IKBKB: variants seen among roughly 807,000 people sequenced by gnomAD.
IKBKB encodes the protein inhibitor of nuclear factor kappa B kinase subunit beta.
A neutral mutation model predicts 113.6 loss-of-function variants in IKBKB; 42 were observed. The ratio of observed to expected loss-of-function variants is 0.37; its 90% CI spans 0.29 to 0.48. The LOEUF (loss-of-function observed/expected upper bound fraction) is 0.48. Ranked by LOEUF, IKBKB falls within the 20% of genes least tolerant of loss-of-function variation. IKBKB has a pLI of 0.99. For missense variants in IKBKB, 673 were observed against 939.7 expected, an observed-to-expected ratio of 0.72 and a Z score of 3.71; for synonymous variants, 296 against 361.3, an observed-to-expected ratio of 0.82 and a Z score of 2.05.
intron 5 of IKBKB, chr8:42,298,099 T>TAAAA (rs980806238): frequency 1.7e-5 from 17 of 985,316 alleles, no homozygotes; most frequent in Non-Finnish European, 2.0e-5. Context: ...TGGACTCTAT[T>TAAAA]TAAACAGTCT....
intron 5 of IKBKB, among the ~76,000 whole-genome samples, chr8:42,300,403 C>T (rs558232670): frequency 1.3e-5 from 2 of 152,336 alleles, no homozygotes; most frequent in Admixed American, 1.3e-4. Context: ...TTTCTCTTTC[C>T]ACCTGTTCTC....
intron 2 of IKBKB, among the ~76,000 whole-genome samples, chr8:42,282,468 A>G (rs1482173014): frequency 6.6e-6 from 1 of 152,144 alleles, no homozygotes; most frequent in African/African-American, 2.4e-5. Context: ...TGGTCTCCCA[A>G]AGTGCTGGGA....
rs557298623 is a variant in IKBKB, at chr8:42,275,379, G to T, written c.105+3174G>T. On this transcript the variant is annotated intron_variant, in intron 2 of 21. Coordinates refer to ENST00000520810, the MANE Select transcript of IKBKB (RefSeq NM_001556.3). Reference sequence around the variant, plus strand: ...ATTTTTGATTTTTTGTAGATAGGAGGTCTGTCTGTTGCCCAGGCTGGTCTC... The same window carrying T: ...ATTTTTGATTTTTTGTAGATAGGAGTTCTGTCTGTTGCCCAGGCTGGTCTC... Among the ~76,000 whole-genome samples, 13 of 151,904 alleles carry T rather than the reference G, an allele frequency of 8.6e-5. No homozygotes were observed. The East Asian group carries it at 1.7e-3, about 20-fold the overall frequency.
At chr8:42,290,610 G>C (rs1812422094) in intron 4 of IKBKB, among the ~76,000 whole-genome samples, 1 of 152,242 alleles carries the variant, frequency 6.6e-6, no homozygotes, top group Non-Finnish European at 1.5e-5. Flanking sequence ...CCCTGGGCAT[G>C]TTAGGGCCAC....
intron 2 of IKBKB, among the ~76,000 whole-genome samples, chr8:42,283,514 A>T (rs1810766871): frequency 2.0e-5 from 3 of 152,218 alleles, no homozygotes; most frequent in Admixed American, 2.0e-4. Flanking sequence ...CAGCCGATGC[A>T]TGTGAGGAAG....
chr8:42,293,518 T>C lies in IKBKB; in HGVS notation c.388+6T>C, dbSNP rs1813082599. The C allele has an allele frequency of 6.2e-7, 1 of 1,613,980 alleles. No individual in the cohort carries two copies. The highest frequency in any genetic ancestry group is 1.7e-5 in the Admixed American group (1 of 60,000). ...CACCTTGCTGAGTGACATTGGTAAA[T>C]CCCAGTCCCGGAATTCAGGCCGTGT... On this transcript the variant is annotated splice_donor_region_variant and intron_variant, in intron 5 of 21. Coordinates refer to ENST00000520810, the MANE Select transcript of IKBKB (RefSeq NM_001556.3).
intron 13 of IKBKB, 111 bp downstream of exon 13, chr8:42,318,786 A>G (rs1819200906): frequency 1.9e-6 from 2 of 1,056,750 alleles, no homozygotes; most frequent in Non-Finnish European, 2.7e-6. Flanking sequence ...TATGAGCAAC[A>G]AAAGGAAGAC....
chr8:42,326,059 C>T lies in IKBKB; in HGVS notation c.2076C>T (p.Ser692=), dbSNP rs371698313. The change falls in exon 20 of 22, where the codon TCC becomes TCT. Residue 692 remains serine (S), a synonymous_variant. Coordinates refer to ENST00000520810, the MANE Select transcript of IKBKB (RefSeq NM_001556.3). ...SQPGQLMSQP[S]TASNSLPEPA... ...CTGGGCAGCTGATGTCTCAGCCCTC[C>T]ACGGCCTCCAACAGCTTACCTGAGC... The T allele has an allele frequency of 1.9e-6, 3 of 1,614,114 alleles. No individual in the cohort carries two copies. The highest frequency in any genetic ancestry group is 2.7e-5 in the African/African-American group (2 of 74,938).
intron 2 of IKBKB, among the ~76,000 whole-genome samples, chr8:42,277,528 C>T (rs902264757): frequency 6.6e-6 from 1 of 152,172 alleles, no homozygotes; most frequent in African/African-American, 2.4e-5. Flanking sequence ...GCTTCCTCCT[C>T]CTGCCGGCTG....
intron 2 of IKBKB, among the ~76,000 whole-genome samples, chr8:42,284,412 C>T (rs1810968101): frequency 6.6e-6 from 1 of 152,024 alleles, no homozygotes; most frequent in Admixed American, 6.6e-5. Flanking sequence ...GAAACCCCAT[C>T]TCTACTAAAA....
rs2130680841 is a variant in IKBKB, at chr8:42,321,819, T to G, written c.1689-77T>G. On this transcript the variant is annotated intron_variant, in intron 16 of 21. Transcript: ENST00000520810. The stretch of plus-strand genomic sequence containing the variant: ...ACCAGCCTGGGCAACATGGTGAAAC[T>G]CTACCTCTACCAAAAAAATGTAAAA... The G allele has an allele frequency of 6.6e-6, 7 of 1,060,468 alleles. No homozygotes were observed. The South Asian group carries it at 1.1e-4, about 17-fold the overall frequency. 65.7% of individuals were successfully genotyped at this position (1,060,468 alleles called of 1,614,324 possible).
intron 5 of IKBKB, among the ~76,000 whole-genome samples, chr8:42,296,061 T>G (rs956084973): frequency 6.6e-6 from 1 of 152,254 alleles, no homozygotes; most frequent in Non-Finnish European, 1.5e-5. Flanking sequence ...CTGTCTGTCT[T>G]CTCTGTGACC....
intron 8 of IKBKB, chr8:42,309,377 CACATG>C (rs1817247685): frequency 2.7e-6 from 1 of 371,098 alleles, no homozygotes; most frequent in Non-Finnish European, 5.2e-6. Flanking sequence ...AACACGTGTA[CACATG>C]ACAAGTCAGG....
At chr8:42,321,392 C>T (rs1199137501) in intron 16 of IKBKB, 1 of 158,582 alleles carries the variant, frequency 6.3e-6, no homozygotes, top group Non-Finnish European at 1.4e-5. Context: ...AGGGCTGTGT[C>T]ACCGTGAGCT....
intron 7 of IKBKB, among the ~76,000 whole-genome samples, 161 bp from the exon 8 acceptor site, chr8:42,308,740 T>C (rs1392359009): frequency 6.6e-6 from 1 of 152,190 alleles, no homozygotes; most frequent in Admixed American, 6.5e-5. Flanking sequence ...TAGCATGATA[T>C]ACCCGCTAAA....
intron 5 of IKBKB, among the ~76,000 whole-genome samples, chr8:42,299,600 A>C (rs1276959980): frequency 6.7e-6 from 1 of 149,824 alleles, no homozygotes; most frequent in Non-Finnish European, 1.5e-5. Context: ...CGCAGAACCC[A>C]CCTGCCAGCT....
chr8:42,298,262 C>G (rs1324555122), intron 5 of IKBKB: 1 of 985,256 alleles, frequency 1.0e-6, no homozygotes, highest in Non-Finnish European at 1.2e-6. Context: ...CTTATCAGAT[C>G]TTAGATTGGA....
chr8:42,311,456 G>A (rs909305709), intron 8 of IKBKB, among the ~76,000 whole-genome samples: 1 of 150,952 alleles, frequency 6.6e-6, no homozygotes, highest in South Asian at 2.1e-4. Flanking sequence ...AGCTACTTGG[G>A]AGGCTGAAAC....
At chr8:42,283,513 C>G (rs943401059) in intron 2 of IKBKB, among the ~76,000 whole-genome samples, 1 of 152,200 alleles carries the variant, frequency 6.6e-6, no homozygotes, top group Admixed American at 6.5e-5. Context: ...TCAGCCGATG[C>G]ATGTGAGGAA....
Sources: gnomAD v4.1 joint callset for allele counts (sites outside exome capture counted in the v4.1 genomes callset) on GRCh38, gnomAD v4.1.1 for gene constraint, MANE v1.5 for transcripts, NCBI Gene and HGNC (gene_info 2026-07-23, HGNC 2026-07-21) for gene names.